The following PCDHGA6 variants were observed in gnomAD, a reference collection of about 807,000 sequenced individuals.
PCDHGA6 encodes the protein protocadherin gamma-A6.
Under a neutral mutation model 60.6 loss-of-function variants are expected in PCDHGA6, and 41 were observed. That is an observed-to-expected ratio of 0.68 (90% CI 0.53 to 0.88). The LOEUF (loss-of-function observed/expected upper bound fraction) is 0.88, where lower values mean the gene tolerates loss of function less well. Among genes scored for constraint, PCDHGA6 ranks in the 40% least tolerant of loss-of-function variants. The probability of loss-of-function intolerance (pLI) is 0.00; values close to 1 mark genes in which losing one functional copy is unlikely to be tolerated. For missense variants in PCDHGA6, 1,312 were observed against 1,203.0 expected (o/e 1.09, Z -1.34); for synonymous variants, 594 against 524.4 (o/e 1.13, Z -1.81).
At position 141,375,231 on chromosome 5, in the gene PCDHGA6, C is replaced by A; in HGVS notation, c.1148C>A (p.Thr383Asn). The A allele has an allele frequency of 6.2e-7, 1 of 1,613,964 alleles. No individual in the cohort carries two copies. Residue 383 changes from threonine (T) to asparagine (N), a missense_variant, in exon 1 of 4, where the codon ACC becomes AAC. Physicochemically the swap from Thr to Asn is moderately conservative, Grantham distance 65 (BLOSUM62 0). Coordinates refer to ENST00000517434, the MANE Select transcript of PCDHGA6 (RefSeq NM_018919.3). ...DRDSGLNGLV[T>N]CSIPRSLPFE... is the part of the protein sequence containing the mutation. ...GACTCTGGCCTGAATGGCCTGGTAACCTGTTCCATCCCGAGAAGTCTCCCA... is the reference window on the plus strand; with the variant it reads ...GACTCTGGCCTGAATGGCCTGGTAAACTGTTCCATCCCGAGAAGTCTCCCA...
At chr5:141,414,283 G>T in intron 1 of PCDHGA6, 1 of 1,613,520 alleles carries the variant, frequency 6.2e-7, no homozygotes, top group Non-Finnish European at 8.5e-7. Flanking sequence ...GGGAACAGTC[G>T]TAGCCCTTTT....
At chr5:141,388,628 G>C (rs752578230) in intron 1 of PCDHGA6, 1 of 1,613,780 alleles carries the variant, frequency 6.2e-7, no homozygotes, top group African/African-American at 1.3e-5. Context: ...ACGTATACAG[G>C]GTGAGCCTTT....
rs2099648980 is a variant in PCDHGA6 at position 141,487,537 on chromosome 5, G to A, written c.2425-7270G>A. ...CTCGGAGTGATAGCTTCATGATGGT[G>A]AAGTCACCCAGTGCACCTATGGCAG... On this transcript the variant is annotated intron_variant, in intron 1 of 3. Transcript: ENST00000517434. The surrounding 1 kb of genome is among the most constrained non-coding windows in gnomAD (Gnocchi z 5.0). The A allele has an allele frequency of 1.2e-6, 2 of 1,614,188 alleles. No individual in the cohort carries two copies. Among genetic ancestry groups the A allele is most frequent in the Admixed American group, 1.7e-5 (1 of 60,028 alleles).
rs756525217 is a variant in PCDHGA6, at chr5:141,402,958, A to T, written c.2424+26451A>T. On this transcript the variant is annotated intron_variant, in intron 1 of 3. Coordinates refer to ENST00000517434, the MANE Select transcript of PCDHGA6 (RefSeq NM_018919.3). Reference sequence around the variant, plus strand: ...AATTCCAAAGCGAGGCAGCAATGGCAGCTCCAACCAAATGCCAGCTCCGCG... The same window carrying T: ...AATTCCAAAGCGAGGCAGCAATGGCTGCTCCAACCAAATGCCAGCTCCGCG... 48 of 1,602,110 alleles carry T rather than the reference A, an allele frequency of 3.0e-5. 1 individual carries two copies. The highest frequency in any genetic ancestry group is 8.5e-7 in the Non-Finnish European group (1 of 1,173,862).
intron 1 of PCDHGA6, chr5:141,409,931 A>G: frequency 1.2e-6 from 2 of 1,613,260 alleles, no homozygotes; most frequent in Non-Finnish European, 1.7e-6. Flanking sequence ...GTTCTTCGAT[A>G]TGGTACCTCG....
intron 1 of PCDHGA6, among the ~76,000 whole-genome samples, chr5:141,449,607 A>G (rs1279835785): frequency 1.3e-5 from 2 of 149,984 alleles, no homozygotes; most frequent in African/African-American, 4.9e-5. Flanking sequence ...AAAAAAAAAA[A>G]GTAAAAAAGT....
intron 1 of PCDHGA6, chr5:141,415,033 C>G (rs1207811183): frequency 1.2e-6 from 2 of 1,613,456 alleles, no homozygotes; most frequent in South Asian, 1.1e-5. Flanking sequence ...CGAGCCGGGA[C>G]TCTTCGCGGT....
rs1243232069 is a variant in PCDHGA6 at position 141,490,842 on chromosome 5, G to A, written c.2425-3965G>A. Reference sequence around the variant, plus strand: ...TGCTGCAGATGCTGCAGATTGTGGTGGGGGTTCGAGACTCCGGCTCTCCCC... The same window carrying A: ...TGCTGCAGATGCTGCAGATTGTGGTAGGGGTTCGAGACTCCGGCTCTCCCC... On this transcript the variant is annotated intron_variant, in intron 1 of 3. Transcript: ENST00000517434. The surrounding 1 kb of genome is among the most constrained non-coding windows in gnomAD (Gnocchi z 5.4). 4.3e-6 allele frequency: 7 copies of A among 1,613,844 alleles called. No homozygotes were observed. In the South Asian group the frequency reaches 6.6e-5, roughly 15 times the overall value.
chr5:141,413,391 C>T lies in PCDHGA6; in HGVS notation c.2424+36884C>T, dbSNP rs375582894. ...CGGAGCGCGGAGTCCGCATAGTCTC[C>T]AGAGGTAGGACGCAGCTTTTCTCTC... On this transcript the variant is annotated intron_variant, in intron 1 of 3. Transcript: ENST00000517434. The T allele has an allele frequency of 1.2e-5, 19 of 1,613,902 alleles. No homozygotes were observed. In the African/African-American group the frequency reaches 2.4e-4, roughly 20 times the overall value.
chr5:141,489,425 G>A lies in PCDHGA6; in HGVS notation c.2425-5382G>A, dbSNP rs779739693. 18 of 1,614,000 alleles carry A rather than the reference G, an allele frequency of 1.1e-5. No homozygotes were observed. Among genetic ancestry groups the A allele is most frequent in the South Asian group, 5.5e-5 (5 of 91,074 alleles). The stretch of plus-strand genomic sequence containing the variant: ...TTAAAGATGACAGATCTGTTGAGCC[G>A]GCGGCTGCAATTGGGCTCTGAGGAG... On this transcript the variant is annotated intron_variant, in intron 1 of 3. Transcript: ENST00000517434. This position sits in a 1 kb window ranked among gnomAD's most constrained non-coding sequence, Gnocchi z 4.5.
At chr5:141,435,665 A>C (rs1029846055) in intron 1 of PCDHGA6, among the ~76,000 whole-genome samples, 2 of 152,206 alleles carry the variant, frequency 1.3e-5, no homozygotes, top group African/African-American at 4.8e-5. Flanking sequence ...CACAGATTCC[A>C]AGTGTTTTCT....
rs779651957 is a variant in PCDHGA6, at chr5:141,431,167, T to G, written c.2424+54660T>G. 2 of 1,614,118 alleles carry G rather than the reference T, an allele frequency of 1.2e-6. No individual in the cohort carries two copies. Among genetic ancestry groups the G allele is most frequent in the Non-Finnish European group, 1.7e-6 (2 of 1,180,014 alleles). The stretch of plus-strand genomic sequence containing the variant: ...ACAATGCGCCTTACTTTCGTGAAAG[T>G]GAATTAGAAATAAAAATTAGTGAAA... On this transcript the variant is annotated intron_variant, in intron 1 of 3. Transcript: ENST00000517434. The surrounding 1 kb of genome is among the most constrained non-coding windows in gnomAD (Gnocchi z 4.8).
At chr5:141,394,856 G>A (rs1008039711) in intron 1 of PCDHGA6, 1 of 1,613,792 alleles carries the variant, frequency 6.2e-7, no homozygotes, top group Non-Finnish European at 8.5e-7. Flanking sequence ...TGAAGCCTTC[G>A]GTCGACCCGA....
chr5:141,410,650 T>C (rs781083173), intron 1 of PCDHGA6: 3 of 1,590,604 alleles, frequency 1.9e-6, no homozygotes, highest in Non-Finnish European at 2.6e-6. Context: ...GTGTGATTTA[T>C]CTAATAGTCT....
intron 1 of PCDHGA6, chr5:141,422,637 C>T (rs980166515): frequency 8.7e-5 from 141 of 1,612,568 alleles, no homozygotes; most frequent in Non-Finnish European, 1.2e-4. Flanking sequence ...CCAGGGGTGC[C>T]TCCATCTTCT....
intron 1 of PCDHGA6, chr5:141,390,448 A>C (rs1023664408): frequency 3.5e-6 from 3 of 845,190 alleles, no homozygotes; most frequent in Non-Finnish European, 5.4e-6. Context: ...ACAAAGGAGG[A>C]GTAAAGTAGG....
chr5:141,443,938 G>T (rs1330111540), intron 1 of PCDHGA6, among the ~76,000 whole-genome samples: 1 of 152,014 alleles, frequency 6.6e-6, no homozygotes, highest in Non-Finnish European at 1.5e-5. Context: ...CTCACAGCAG[G>T]TTTCCTTATT....
At position 141,487,370 on chromosome 5, in the gene PCDHGA6, T is replaced by C; in HGVS notation, c.2425-7437T>C. 6.2e-7 allele frequency: 1 copy of C among 1,614,232 alleles called. No individual in the cohort carries two copies. Among genetic ancestry groups the C allele is most frequent in the South Asian group, 1.1e-5 (1 of 91,080 alleles). On this transcript the variant is annotated intron_variant, in intron 1 of 3. Transcript: ENST00000517434. The surrounding 1 kb of genome is among the most constrained non-coding windows in gnomAD (Gnocchi z 5.0). ...ATGCTTTCCTGCTGGCACCTGTGCC[T>C]GTCTCACCAGATCTCGAAGGAGGGA... is the stretch of plus-strand genomic sequence containing the variant.
intron 1 of PCDHGA6, chr5:141,395,370 G>A (rs377682598): frequency 1.7e-6 from 2 of 1,207,198 alleles, no homozygotes; most frequent in South Asian, 1.7e-5. Flanking sequence ...GTTTATTTTG[G>A]TGGTGTTACT....
Sources: allele counts gnomAD v4.1 joint callset (sites outside exome capture counted in the v4.1 genomes callset), GRCh38; gene constraint gnomAD v4.1.1; non-coding constraint Gnocchi (gnomAD v3.1); transcripts MANE v1.5; gene names NCBI Gene and HGNC (gene_info 2026-07-23, HGNC 2026-07-21).